Variants in MPDZ observed in about 807,000 individuals in gnomAD.
MPDZ encodes the protein multiple PDZ domain crumbs cell polarity complex component, also known as multiple PDZ domain protein.
Under a neutral mutation model 239.1 loss-of-function variants are expected in MPDZ, and 234 were observed. The observed-to-expected ratio is 0.98, with a 90% confidence interval of 0.88 to 1.09. The LOEUF is 1.09. Among genes scored for constraint, MPDZ ranks in the 50% least tolerant of loss-of-function variants. MPDZ has a pLI of 0.00. For synonymous variants in MPDZ, 1,048 were observed against 881.3 expected, an observed-to-expected ratio of 1.19 and a Z score of -3.35; for missense variants, 3,175 against 2,510.0, an observed-to-expected ratio of 1.26 and a Z score of -5.66.
At chr9:13,133,759 C>A in intron 32 of MPDZ, 65 bp downstream of exon 32, 1 of 1,156,258 alleles carries the variant, frequency 8.6e-7, no homozygotes, top group South Asian at 1.3e-5. Context: ...TTTGAGAACA[C>A]AGTGAATTAG....
At chr9:13,109,896 G>C in intron 45 of MPDZ, 56 bp downstream of exon 45, 1 of 1,385,098 alleles carries the variant, frequency 7.2e-7, no homozygotes, top group South Asian at 1.2e-5. Flanking sequence ...GCAACTGTCA[G>C]GAAGACTTGA....
chr9:13,128,022 T>C (rs916811781), intron 32 of MPDZ, among the ~76,000 whole-genome samples: 1 of 152,202 alleles, frequency 6.6e-6, no homozygotes, highest in Non-Finnish European at 1.5e-5. Flanking sequence ...GCTTCCCATC[T>C]TACCCCTCTA....
At chr9:13,205,498 G>A (rs991455762) in intron 11 of MPDZ, among the ~76,000 whole-genome samples, 2 of 152,140 alleles carry the variant, frequency 1.3e-5, no homozygotes, top group African/African-American at 4.8e-5. Context: ...TGGAATTAAA[G>A]TCGATTCCTT....
chr9:13,198,737 C>CTCTCTGTGTGTGTGTGTGTGTGTGTG (rs755487892), intron 12 of MPDZ, among the ~76,000 whole-genome samples: 1,676 of 69,006 alleles, frequency 0.024, 95 homozygotes, highest in East Asian at 0.04. Flanking sequence ...ATCTCTCTCT[C>CTCTCTGTGTGTGTGTGTGTGTGTGTG]TGTGTGTGTG....
chr9:13,121,505 G>C (rs182181146), intron 38 of MPDZ, among the ~76,000 whole-genome samples: 103 of 152,292 alleles, frequency 6.8e-4, no homozygotes, highest in African/African-American at 2.2e-3. Context: ...CATAGCAGGT[G>C]CTCAAAAATA....
At chr9:13,259,679 A>C (rs1287854935) in intron 1 of MPDZ, among the ~76,000 whole-genome samples, 1 of 152,176 alleles carries the variant, frequency 6.6e-6, no homozygotes, top group Non-Finnish European at 1.5e-5. Context: ...TAAATGCAAG[A>C]GTGCATGGTA....
intron 34 of MPDZ, 106 bp downstream of exon 34, chr9:13,126,410 C>T: frequency 1.4e-6 from 1 of 691,386 alleles, no homozygotes; most frequent in Non-Finnish European, 2.4e-6. Context: ...AAGAACATGT[C>T]TAATACAGCT....
intron 3 of MPDZ, among the ~76,000 whole-genome samples, chr9:13,227,222 A>G (rs1362942805): frequency 6.6e-6 from 1 of 152,192 alleles, no homozygotes; most frequent in Non-Finnish European, 1.5e-5. Flanking sequence ...CAATAACTTA[A>G]CCATTATATT....
intron 36 of MPDZ, among the ~76,000 whole-genome samples, chr9:13,122,477 T>C (rs1232069206): frequency 6.6e-6 from 1 of 152,058 alleles, no homozygotes; most frequent in Non-Finnish European, 1.5e-5. Context: ...TAAGGTATTT[T>C]TGACATCTAG....
At chr9:13,259,307 C>G (rs1456121975) in intron 1 of MPDZ, among the ~76,000 whole-genome samples, 1 of 151,820 alleles carries the variant, frequency 6.6e-6, no homozygotes, top group African/African-American at 2.4e-5. Flanking sequence ...ACACTCCAGC[C>G]TGGGCAACAG....
chr9:13,279,359 G>T (rs1201741538), intron 1 of MPDZ, 41 bp downstream of exon 1: 1 of 143,694 alleles, frequency 7.0e-6, no homozygotes, highest in African/African-American at 2.5e-5. Flanking sequence ...GGGCGCGGGG[G>T]CGCGCCTCGG....
At position 13,173,715 on chromosome 9, in the gene MPDZ, A is replaced by G. The variant is rs112511447; in HGVS notation, c.3055+2037T>C. Among the ~76,000 whole-genome samples the G allele has an allele frequency of 8.0e-3, 1,216 of 152,162 alleles. 10 individuals carry two copies. Among genetic ancestry groups the G allele is most frequent in the African/African-American group, 0.028 (1,163 of 41,494 alleles). The stretch of plus-strand genomic sequence containing the variant: ...GCGAAACTCTCTCTCAAAAAAAAAA[A>G]AAAAATTGGTAAGCAATCCAAATAG... On this transcript the variant is annotated intron_variant, in intron 21 of 46. Coordinates refer to ENST00000319217, the MANE Select transcript of MPDZ (RefSeq NM_001378778.1).
In MPDZ at chr9:13,119,508, C is replaced by T. The variant is rs1181645951; in HGVS notation, c.5373G>A (p.Leu1791=). The part of the protein sequence containing the change: ...RNATQEAVAA[L]LKCSLGTVTL... Reference sequence around the variant, plus strand: ...TATTTTTTGCATTTTTTACCTTTAGCAAAGCGGCAACCGCTTCTTGGGTGG... The same window carrying T: ...TATTTTTTGCATTTTTTACCTTTAGTAAAGCGGCAACCGCTTCTTGGGTGG... The change falls in exon 39 of 47, where the codon TTG becomes TTA. Residue 1791 remains leucine (L), a synonymous_variant. Transcript: ENST00000319217. The T allele has an allele frequency of 1.9e-6, 3 of 1,607,848 alleles. No homozygotes were observed. The highest frequency in any genetic ancestry group is 2.5e-6 in the Non-Finnish European group (3 of 1,177,708).
At chr9:13,157,298 T>TAA (rs1202871833) in intron 24 of MPDZ, among the ~76,000 whole-genome samples, 2 of 152,190 alleles carry the variant, frequency 1.3e-5, no homozygotes, top group Non-Finnish European at 2.9e-5. Context: ...CTTGTGTTCT[T>TAA]AAATTGTTTC....
chr9:13,225,901 C>T (rs997815207), intron 3 of MPDZ, among the ~76,000 whole-genome samples: 2 of 152,048 alleles, frequency 1.3e-5, no homozygotes, highest in East Asian at 1.9e-4. Context: ...ATCTGCACTA[C>T]GCATCTCTTC....
rs763224133 is a variant in MPDZ, at chr9:13,190,195, C to T, written c.2073G>A (p.Leu691=). ...GCTGAATGCCAGCCTCCCACATGGC[C>T]AAAGGTGCTTGAACCTCTTCTGTAC... ...GQSTEEVQAP[L]AMWEAGIQHI... Residue 691 remains leucine (L), a synonymous_variant, in exon 16 of 47, where the codon TTG becomes TTA. Coordinates refer to ENST00000319217, the MANE Select transcript of MPDZ (RefSeq NM_001378778.1). 9 of 1,613,260 alleles carry T rather than the reference C, an allele frequency of 5.6e-6. No individual in the cohort carries two copies. Among genetic ancestry groups the T allele is most frequent in the Non-Finnish European group, 6.8e-6 (8 of 1,179,540 alleles).
At chr9:13,200,707 A>AT (rs1435448412) in intron 12 of MPDZ, among the ~76,000 whole-genome samples, 1 of 152,012 alleles carries the variant, frequency 6.6e-6, no homozygotes, top group Non-Finnish European at 1.5e-5. Flanking sequence ...ATTTCAATGA[A>AT]TTTGTAGAGT....
In MPDZ at chr9:13,123,303, AAAT is replaced by A; in HGVS notation, c.4808-8_4808-6del. 6.3e-7 allele frequency: 1 copy of A among 1,591,190 alleles called. No individual in the cohort carries two copies. Among genetic ancestry groups the A allele is most frequent in the African/African-American group, 1.3e-5 (1 of 74,268 alleles). On this transcript the variant is annotated splice_region_variant and splice_polypyrimidine_tract_variant and intron_variant, in intron 35 of 46. Coordinates refer to ENST00000319217, the MANE Select transcript of MPDZ (RefSeq NM_001378778.1). ...GTGTTGATGATCTGCTTGTATCTAA[AAAT>A]AAGTTAAAAATGAAATACAAATAAA...
intron 3 of MPDZ, among the ~76,000 whole-genome samples, chr9:13,244,248 T>C (rs1302539040): frequency 6.6e-6 from 1 of 152,174 alleles, no homozygotes. Context: ...AAATCCAATA[T>C]CCTCAAGGCT....
Sources: allele counts gnomAD v4.1 joint callset (sites outside exome capture counted in the v4.1 genomes callset), GRCh38; gene constraint gnomAD v4.1.1; transcripts MANE v1.5; gene names NCBI Gene and HGNC (gene_info 2026-07-23, HGNC 2026-07-21).